DNAH6: variants seen among roughly 807,000 people sequenced by gnomAD.
DNAH6 encodes axonemal beta dynein heavy chain 6.
Under a neutral mutation model 491.4 loss-of-function variants are expected in DNAH6, and 340 were observed. That is an observed-to-expected ratio of 0.69 (90% CI 0.63 to 0.76). The LOEUF is 0.76. Ranked by LOEUF, DNAH6 falls within the 30% of genes least tolerant of loss-of-function variation. The probability of loss-of-function intolerance (pLI) is 0.00; values close to 1 mark genes in which losing one functional copy is unlikely to be tolerated. For missense variants in DNAH6, 4,443 were observed against 4,972.2 expected, an observed-to-expected ratio of 0.89 and a Z score of 3.20; for synonymous variants, 1,603 against 1,686.1, an observed-to-expected ratio of 0.95 and a Z score of 1.21.
At chr2:84,486,027 C>T in the DNAH6 span, among the ~76,000 whole-genome samples, 4 of 152,212 alleles carry the variant, frequency 2.6e-5, no homozygotes, top group South Asian at 4.1e-4. Context: ...TAAATACTTG[C>T]GATACTAAGT....
At chr2:84,495,484 A>G in the DNAH6 span, among the ~76,000 whole-genome samples, 1 of 152,210 alleles carries the variant, frequency 6.6e-6, no homozygotes, top group Non-Finnish European at 1.5e-5. Context: ...TTCAAATCAC[A>G]AAAACACTAA....
At chr2:84,740,206 T>C (rs576415301) in intron 62 of DNAH6, among the ~76,000 whole-genome samples, 3 of 152,270 alleles carry the variant, frequency 2.0e-5, no homozygotes, top group African/African-American at 7.2e-5. Context: ...TCAGAGGTTG[T>C]TTGTTGTAGC....
At chr2:84,537,727 C>A (rs1481446715) in intron 4 of DNAH6, among the ~76,000 whole-genome samples, 2 of 152,070 alleles carry the variant, frequency 1.3e-5, no homozygotes, top group South Asian at 2.1e-4. Flanking sequence ...TTAAAAAGTT[C>A]TCTCCCTAGT....
intron 1 of DNAH6, among the ~76,000 whole-genome samples, chr2:84,517,286 C>T (rs979289826): frequency 6.6e-6 from 1 of 152,166 alleles, no homozygotes; most frequent in African/African-American, 2.4e-5. Context: ...GAATCAGAAC[C>T]TTCATTTTAA....
At chr2:84,499,206 A>G in the DNAH6 span, among the ~76,000 whole-genome samples, 2 of 150,914 alleles carry the variant, frequency 1.3e-5, no homozygotes, top group Non-Finnish European at 3.0e-5. Flanking sequence ...TACCCTTCCC[A>G]GTCTCTGGTA....
intron 35 of DNAH6, among the ~76,000 whole-genome samples, chr2:84,657,624 T>C (rs1455185120): frequency 1.3e-5 from 2 of 152,050 alleles, no homozygotes; most frequent in East Asian, 3.8e-4. Flanking sequence ...CTTGCTGGTG[T>C]ATAACAAAAT....
intron 8 of DNAH6, 63 bp downstream of exon 8, chr2:84,548,480 A>G: frequency 6.3e-7 from 1 of 1,589,086 alleles, no homozygotes; most frequent in South Asian, 1.1e-5. Context: ...TTAAAAATTA[A>G]ACCCCAGAAA....
At chr2:84,790,239 A>G (rs1052312185) in intron 68 of DNAH6, among the ~76,000 whole-genome samples, 5 of 152,228 alleles carry the variant, frequency 3.3e-5, no homozygotes, top group Admixed American at 3.3e-4. Flanking sequence ...GGACCCTTAT[A>G]CCATACACAA....
intron 3 of DNAH6, among the ~76,000 whole-genome samples, chr2:84,527,916 A>G (rs894399344): frequency 6.6e-6 from 1 of 152,244 alleles, no homozygotes; most frequent in Non-Finnish European, 1.5e-5. Context: ...TATTTACAAT[A>G]GTTATTCAAC....
intron 22 of DNAH6, among the ~76,000 whole-genome samples, chr2:84,612,324 C>A (rs575301986): frequency 6.6e-6 from 1 of 152,088 alleles, no homozygotes; most frequent in African/African-American, 2.4e-5. Context: ...TTTCTAGTCT[C>A]TAGGTTGAAA....
Position 84,672,477 on chromosome 2 carries a change from A to G in DNAH6, c.6605A>G (p.Glu2202Gly). The change falls in exon 40 of 77, where the codon GAA (glutamate) becomes GGA (glycine). Residue 2202 changes from glutamate (E) to glycine (G), a missense_variant. Physicochemically the swap from Glu to Gly is moderately conservative, Grantham distance 98. Around this residue, in one of 3 missense-constraint regions of DNAH6, gnomAD observed 2,977 missense variants for 3,296.6 expected, o/e 0.90. Coordinates refer to ENST00000389394, the MANE Select transcript of DNAH6 (RefSeq NM_001370.2). The part of the protein sequence containing the change: ...FYDRNKLFWK[E>G]IQDVTIISAC... ...GACAGAAACAAACTGTTTTGGAAAG[A>G]AATACAGGTTACTTTAGCTTTTAAA... 6.5e-7 allele frequency: 1 copy of G among 1,549,766 alleles called. No homozygotes were observed. The highest frequency in any genetic ancestry group is 8.7e-7 in the Non-Finnish European group (1 of 1,146,282).
intron 59 of DNAH6, among the ~76,000 whole-genome samples, chr2:84,721,094 C>T (rs969903070): frequency 6.6e-6 from 1 of 152,222 alleles, no homozygotes; most frequent in South Asian, 2.1e-4. Flanking sequence ...CCAAACTCAA[C>T]GGAAGCATAT....
chr2:84,475,529 C>T, the DNAH6 span, among the ~76,000 whole-genome samples: 2 of 152,230 alleles, frequency 1.3e-5, no homozygotes, highest in East Asian at 1.9e-4. Flanking sequence ...CCAAATTGCC[C>T]ACAATTAAAG....
intron 16 of DNAH6, among the ~76,000 whole-genome samples, chr2:84,592,719 T>C (rs1684224187): frequency 6.6e-6 from 1 of 152,136 alleles, no homozygotes; most frequent in Non-Finnish European, 1.5e-5. Context: ...AAAGAAAATA[T>C]GGTATCTACA....
chr2:84,513,153 A>T (rs899608765), upstream of DNAH6, among the ~76,000 whole-genome samples: 4 of 151,924 alleles, frequency 2.6e-5, no homozygotes, highest in Non-Finnish European at 5.9e-5. Context: ...TGTGATTACA[A>T]TTAACATCTT....
intron 31 of DNAH6, 132 bp from the exon 32 acceptor site, chr2:84,640,298 T>C: frequency 3.2e-6 from 2 of 629,720 alleles, no homozygotes; most frequent in African/African-American, 1.9e-5. Context: ...TCAATCTTTA[T>C]GTTTCTTGAT....
the DNAH6 span, among the ~76,000 whole-genome samples, chr2:84,506,993 G>C: frequency 0.017 from 2,575 of 152,322 alleles, 32 homozygotes; most frequent in Non-Finnish European, 0.025. Flanking sequence ...TTTGAAGTCA[G>C]GTAGCGTGAT....
chr2:84,688,935 G>A (rs1694573090), intron 45 of DNAH6, among the ~76,000 whole-genome samples: 1 of 152,180 alleles, frequency 6.6e-6, no homozygotes, highest in African/African-American at 2.4e-5. Flanking sequence ...AGAAAGAGGA[G>A]CTTCAAAATT....
At position 84,773,729 on chromosome 2, in the gene DNAH6, A is replaced by G. The variant is rs532346682; in HGVS notation, c.10704-7764A>G. ...ACAGTGTATAAGTGTTCCGTTTTCA[A>G]TGCAGCCTCACCAGCATCTGTTAAT... On this transcript the variant is annotated intron_variant, in intron 64 of 76. Transcript: ENST00000389394. Among the ~76,000 whole-genome samples the G allele has an allele frequency of 3.3e-5, 5 of 152,160 alleles. No individual in the cohort carries two copies. In the South Asian group the frequency reaches 1.0e-3, roughly 32 times the overall value.
Sources: gnomAD v4.1 joint callset for allele counts (sites outside exome capture counted in the v4.1 genomes callset) on GRCh38, gnomAD v4.1.1 for gene constraint, gnomAD v4.1.1 regional missense constraint, MANE v1.5 for transcripts, NCBI Gene and HGNC (gene_info 2026-07-23, HGNC 2026-07-21) for gene names.